The following CNBD1 variants were observed in gnomAD, a reference collection of about 807,000 sequenced individuals.
CNBD1 encodes the protein cyclic nucleotide binding domain containing 1.
In CNBD1, 71 loss-of-function variants were observed where a neutral mutation model predicts 54.4. The ratio of observed to expected loss-of-function variants is 1.30; its 90% CI spans 1.08 to 1.59. The LOEUF is 1.59. Ranked by LOEUF, CNBD1 falls within the 40% of genes most tolerant of loss-of-function variation. CNBD1 has a pLI of 0.00. For missense variants in CNBD1, 659 were observed against 518.0 expected (o/e 1.27, Z -2.64); for synonymous variants, 182 against 170.7 (o/e 1.07, Z -0.51).
chr8:87,302,483 G>C (rs1287527289), intron 8 of CNBD1, among the ~76,000 whole-genome samples: 1 of 151,886 alleles, frequency 6.6e-6, no homozygotes, highest in East Asian at 1.9e-4. Flanking sequence ...TTGATGGGAC[G>C]TATCTCAAAA....
At chr8:86,915,906 TTAA>T (rs1325455836) in intron 3 of CNBD1, among the ~76,000 whole-genome samples, 1 of 152,182 alleles carries the variant, frequency 6.6e-6, no homozygotes, top group African/African-American at 2.4e-5. Context: ...TTTAGCTCTA[TTAA>T]TCTAAGGTTC....
At chr8:87,267,695 T>C (rs1182181456) in intron 6 of CNBD1, among the ~76,000 whole-genome samples, 1 of 152,188 alleles carries the variant, frequency 6.6e-6, no homozygotes, top group East Asian at 1.9e-4. Flanking sequence ...ATGAATGGAC[T>C]ACATTAAACA....
rs898354501 is a variant in CNBD1 at position 87,217,100 on chromosome 8, A to G, written c.577+10962A>G. Among the ~76,000 whole-genome samples, 5 of 152,260 alleles carry G rather than the reference A, an allele frequency of 3.3e-5. No individual in the cohort carries two copies. The East Asian group carries it at 7.7e-4, about 23-fold the overall frequency. On this transcript the variant is annotated intron_variant, in intron 5 of 10. Coordinates refer to ENST00000518476, the MANE Select transcript of CNBD1 (RefSeq NM_173538.3). ...AAATTTTAATCTTTTAAATGTCTGC[A>G]AAATAAACTCTTTTTTATGAAAGTG...
At chr8:87,319,371 C>T (rs1809470731) in intron 8 of CNBD1, among the ~76,000 whole-genome samples, 2 of 152,042 alleles carry the variant, frequency 1.3e-5, no homozygotes, top group African/African-American at 4.8e-5. Flanking sequence ...GTTCTAAATG[C>T]CTTGCCTATA....
chr8:87,250,856 T>C (rs1807901590), intron 6 of CNBD1, among the ~76,000 whole-genome samples: 1 of 152,128 alleles, frequency 6.6e-6, no homozygotes, highest in African/African-American at 2.4e-5. Flanking sequence ...TAAAGTGAGA[T>C]GGCTAATGGG....
At chr8:87,379,922 G>A (rs1276924367) in intron 10 of CNBD1, among the ~76,000 whole-genome samples, 1 of 149,768 alleles carries the variant, frequency 6.7e-6, no homozygotes, top group Non-Finnish European at 1.5e-5. Flanking sequence ...ACTTAAATAT[G>A]ACCAAATGAT....
At chr8:87,401,717 A>T (rs1807568522) in intron 2 of CNBD1, among the ~76,000 whole-genome samples, 2 of 152,064 alleles carry the variant, frequency 1.3e-5, no homozygotes, top group African/African-American at 2.4e-5. Flanking sequence ...ATTTGGTAAG[A>T]TGTTAATGAT....
chr8:87,089,623 A>G (rs1188952843), intron 4 of CNBD1, among the ~76,000 whole-genome samples: 1 of 152,096 alleles, frequency 6.6e-6, no homozygotes, highest in Non-Finnish European at 1.5e-5. Flanking sequence ...AGTGATTTGA[A>G]GATGCTTCTT....
At chr8:87,257,767 G>A (rs1417822512) in intron 6 of CNBD1, among the ~76,000 whole-genome samples, 1 of 152,078 alleles carries the variant, frequency 6.6e-6, no homozygotes, top group African/African-American at 2.4e-5. Context: ...AGACTGTGGA[G>A]TTCAAATTGT....
At chr8:87,332,201 A>G (rs983951307) in intron 8 of CNBD1, among the ~76,000 whole-genome samples, 4 of 152,124 alleles carry the variant, frequency 2.6e-5, no homozygotes, top group Admixed American at 2.6e-4. Flanking sequence ...TACAAAAATT[A>G]GCTGGGCGTG....
chr8:87,176,199 A>C (rs1360261256), intron 4 of CNBD1, among the ~76,000 whole-genome samples: 1 of 152,104 alleles, frequency 6.6e-6, no homozygotes, highest in Non-Finnish European at 1.5e-5. Context: ...TGCTCACCTG[A>C]TTTTGGTTCT....
At chr8:87,395,947 G>A (rs928838780) in intron 2 of CNBD1, among the ~76,000 whole-genome samples, 2 of 151,886 alleles carry the variant, frequency 1.3e-5, no homozygotes, top group African/African-American at 4.8e-5. Context: ...TGTGAAGAAT[G>A]ACATGTTTAC....
At chr8:87,406,132 A>G (rs780423955) in intron 2 of CNBD1, among the ~76,000 whole-genome samples, 12 of 152,146 alleles carry the variant, frequency 7.9e-5, no homozygotes, top group Non-Finnish European at 1.2e-4. Flanking sequence ...GATACAAACA[A>G]GAAGGAATTT....
At chr8:87,328,290 T>A (rs1809730843) in intron 8 of CNBD1, among the ~76,000 whole-genome samples, 1 of 152,112 alleles carries the variant, frequency 6.6e-6, no homozygotes, top group Non-Finnish European at 1.5e-5. Context: ...ACAACATATG[T>A]GTGAATTTTT....
chr8:87,285,183 G>A (rs1309036449), intron 7 of CNBD1, among the ~76,000 whole-genome samples: 2 of 152,080 alleles, frequency 1.3e-5, no homozygotes, highest in African/African-American at 4.8e-5. Flanking sequence ...TAATAGTACT[G>A]CTGCTTTCCC....
chr8:86,927,736 C>G (rs76315154), intron 3 of CNBD1, among the ~76,000 whole-genome samples: 5,159 of 152,138 alleles, frequency 0.034, 115 homozygotes, highest in Non-Finnish European at 0.052. Context: ...ATCAAAGGGA[C>G]AAGGAGAGGT....
At chr8:87,152,183 T>C (rs1049878963) in intron 4 of CNBD1, among the ~76,000 whole-genome samples, 1 of 151,866 alleles carries the variant, frequency 6.6e-6, no homozygotes, top group Non-Finnish European at 1.5e-5. Context: ...GTGGAATGAT[T>C]TGGGGAGGAA....
chr8:87,088,825 G>A lies in CNBD1; in HGVS notation c.432-117168G>A, dbSNP rs1024950742. 2.0e-5 allele frequency among the ~76,000 whole-genome samples: 3 copies of A among 152,026 alleles called. No individual in the cohort carries two copies. In the South Asian group the frequency reaches 6.2e-4, roughly 32 times the overall value. On this transcript the variant is annotated intron_variant, in intron 4 of 10. Transcript: ENST00000518476. ...GAAATTGAGCACTGTTATTGCTCTT[G>A]GAATTTTGGTGTGTAAAAGTAAAAC...
intron 2 of CNBD1, among the ~76,000 whole-genome samples, chr8:86,900,194 G>A (rs527479545): frequency 5.9e-5 from 9 of 152,108 alleles, no homozygotes; most frequent in East Asian, 1.9e-4. Flanking sequence ...GCATGTGTGC[G>A]TATAAGGTAT....
Sources: gnomAD v4.1 joint callset for allele counts (sites outside exome capture counted in the v4.1 genomes callset) on GRCh38, gnomAD v4.1.1 for gene constraint, MANE v1.5 for transcripts, NCBI Gene and HGNC (gene_info 2026-07-23, HGNC 2026-07-21) for gene names.